PLEKHF2: variants seen among roughly 807,000 people sequenced by gnomAD.
The protein encoded by PLEKHF2 is pleckstrin homology domain-containing family F member 2.
A neutral mutation model predicts 14.7 loss-of-function variants in PLEKHF2; 4 were observed. The observed-to-expected ratio is 0.27, with a 90% CI of 0.13 to 0.62. PLEKHF2 has a LOEUF of 0.62. PLEKHF2 is among the 20% of genes least tolerant of loss of function. The pLI is 0.85. For synonymous variants in PLEKHF2, 90 were observed against 103.5 expected (o/e 0.87, Z 0.79); for missense variants, 201 against 307.7 (o/e 0.65, Z 2.60).
intron 1 of PLEKHF2, among the ~76,000 whole-genome samples, chr8:95,144,355 T>A (rs1223065071): frequency 6.6e-6 from 1 of 152,238 alleles, no homozygotes; most frequent in Non-Finnish European, 1.5e-5. Context: ...AAACTGCCTT[T>A]ACTAGTACCC....
intron 1 of PLEKHF2, among the ~76,000 whole-genome samples, chr8:95,139,145 T>C (rs960765677): frequency 6.6e-6 from 1 of 152,238 alleles, no homozygotes; most frequent in African/African-American, 2.4e-5. Flanking sequence ...AATTGACATT[T>C]GTTTCTTATT....
At chr8:95,143,086 A>C (rs1055320628) in intron 1 of PLEKHF2, among the ~76,000 whole-genome samples, 6 of 148,450 alleles carry the variant, frequency 4.0e-5, no homozygotes, top group African/African-American at 1.5e-4. Flanking sequence ...AAGTTGGAGG[A>C]AATAATCTTT....
At chr8:95,138,196 C>G (rs1810397814) in intron 1 of PLEKHF2, among the ~76,000 whole-genome samples, 1 of 152,132 alleles carries the variant, frequency 6.6e-6, no homozygotes, top group Non-Finnish European at 1.5e-5. Context: ...TTCTTATCCC[C>G]AAGTTGACTT....
rs930113380 is a variant in PLEKHF2, at chr8:95,156,665, T to C, written c.*1871T>C. ...ACCTTTATTGACTTTGTTTTTACAA[T>C]AAAAAATATTTTACAACTTACTTTC... On this transcript the variant is annotated 3_prime_UTR_variant, in exon 2 of 2. Transcript: ENST00000315367. The C allele has an allele frequency of 6.0e-6, 1 of 166,964 alleles. No individual in the cohort carries two copies. Among genetic ancestry groups the C allele is most frequent in the Non-Finnish European group, 1.5e-5 (1 of 68,098 alleles). 10.3% of individuals were successfully genotyped at this position (166,964 alleles called of 1,614,324 possible).
intron 1 of PLEKHF2, 92 bp from the exon 2 acceptor site, chr8:95,153,939 A>G: frequency 9.5e-7 from 1 of 1,057,692 alleles, no homozygotes; most frequent in Non-Finnish European, 1.3e-6. Flanking sequence ...CCTTTGTGTA[A>G]AAGCAATGAT....
intron 1 of PLEKHF2, among the ~76,000 whole-genome samples, chr8:95,141,540 T>C (rs372225583): frequency 6.6e-6 from 1 of 152,060 alleles, no homozygotes. Context: ...TTTTTTTTTC[T>C]TTTGAGAGGG....
chr8:95,150,629 CTT>C (rs1810547657), intron 1 of PLEKHF2, among the ~76,000 whole-genome samples: 1 of 152,118 alleles, frequency 6.6e-6, no homozygotes, highest in African/African-American at 2.4e-5. Flanking sequence ...AAGATTTAGA[CTT>C]AATATATTGA....
chr8:95,140,937 GT>G (rs549237122), intron 1 of PLEKHF2, among the ~76,000 whole-genome samples: 1 of 151,880 alleles, frequency 6.6e-6, no homozygotes, highest in Non-Finnish European at 1.5e-5. Flanking sequence ...TCCTTGTTTT[GT>G]TTTTTTCCTT....
At chr8:95,140,195 C>A (rs1810426217) in intron 1 of PLEKHF2, among the ~76,000 whole-genome samples, 2 of 152,336 alleles carry the variant, frequency 1.3e-5, no homozygotes, top group South Asian at 4.1e-4. Context: ...CTAGCATCTG[C>A]CCAGTGGCTT....
chr8:95,138,847 C>G (rs1251072137), intron 1 of PLEKHF2, among the ~76,000 whole-genome samples: 2 of 152,150 alleles, frequency 1.3e-5, no homozygotes, highest in Non-Finnish European at 2.9e-5. Flanking sequence ...TCCAGCTTTT[C>G]TATATTATAG....
intron 1 of PLEKHF2, among the ~76,000 whole-genome samples, chr8:95,153,385 G>A (rs1810582088): frequency 1.3e-5 from 2 of 152,180 alleles, no homozygotes; most frequent in Admixed American, 1.3e-4. Flanking sequence ...GGTGAAGACT[G>A]ACTTATGGTG....
chr8:95,142,662 G>A (rs1482198263), intron 1 of PLEKHF2, among the ~76,000 whole-genome samples: 1 of 152,174 alleles, frequency 6.6e-6, no homozygotes, highest in African/African-American at 2.4e-5. Flanking sequence ...TGAGTTTTGT[G>A]ATGATGAAAA....
rs549086054 is a variant in PLEKHF2, at chr8:95,155,543, A to G, written c.*749A>G. On this transcript the variant is annotated 3_prime_UTR_variant, in exon 2 of 2. Transcript: ENST00000315367. ...GTCCCAAATTATAATTGTCAAATATATATTTTAAATTAATAAAAGTTGTCA... is the reference window on the plus strand; with the variant it reads ...GTCCCAAATTATAATTGTCAAATATGTATTTTAAATTAATAAAAGTTGTCA... The G allele has an allele frequency of 1.2e-5, 2 of 167,072 alleles. No homozygotes were observed. The highest frequency in any genetic ancestry group is 2.9e-5 in the Non-Finnish European group (2 of 68,106). The allele number at this position is 167,072 out of a possible 1,614,324, so 10.3% of individuals were successfully genotyped here.
At chr8:95,146,261 T>G (rs1301679115) in intron 1 of PLEKHF2, among the ~76,000 whole-genome samples, 1 of 152,222 alleles carries the variant, frequency 6.6e-6, no homozygotes, top group Admixed American at 6.5e-5. Flanking sequence ...ATTTAGTGTC[T>G]GAACCAAGAT....
In PLEKHF2 at chr8:95,148,180, T is replaced by A. The variant is rs568991907; in HGVS notation, c.-14-5851T>A. Among the ~76,000 whole-genome samples, 6 of 150,544 alleles carry A rather than the reference T, an allele frequency of 4.0e-5. No individual in the cohort carries two copies. The South Asian group carries it at 1.3e-3, about 31-fold the overall frequency. ...AATTAAAAAATTTGTTATAAGTTTT[T>A]ATAAAGCTTTCTCTTAAAGTTTTTT... On this transcript the variant is annotated intron_variant, in intron 1 of 1. Transcript: ENST00000315367.
At chr8:95,147,882 G>C (rs970628169) in intron 1 of PLEKHF2, among the ~76,000 whole-genome samples, 1 of 151,810 alleles carries the variant, frequency 6.6e-6, no homozygotes, top group Non-Finnish European at 1.5e-5. Context: ...AAAAGGCAAA[G>C]GAAGACATTT....
intron 1 of PLEKHF2, among the ~76,000 whole-genome samples, chr8:95,144,731 G>A (rs1356472997): frequency 6.6e-6 from 1 of 152,068 alleles, no homozygotes; most frequent in African/African-American, 2.4e-5. Flanking sequence ...GCAGGATGTG[G>A]TGGTGGCCAC....
chr8:95,147,569 C>T (rs904873866), intron 1 of PLEKHF2, among the ~76,000 whole-genome samples: 1 of 151,912 alleles, frequency 6.6e-6, no homozygotes, highest in Non-Finnish European at 1.5e-5. Context: ...ATTATGGGTT[C>T]TTAGTGATTT....
intron 1 of PLEKHF2, among the ~76,000 whole-genome samples, chr8:95,146,104 C>G (rs910312780): frequency 2.0e-5 from 3 of 152,064 alleles, no homozygotes; most frequent in Non-Finnish European, 1.5e-5. Context: ...TAAAAATTAA[C>G]TTGTAGACAA....
Sources: allele counts gnomAD v4.1 joint callset (sites outside exome capture counted in the v4.1 genomes callset), GRCh38; gene constraint gnomAD v4.1.1; transcripts MANE v1.5; gene names NCBI Gene and HGNC (gene_info 2026-07-23, HGNC 2026-07-21).